The following KCNG2 variants were observed in gnomAD, a reference collection of about 807,000 sequenced individuals.
KCNG2 encodes the protein voltage-gated potassium channel regulatory subunit KCNG2.
KCNG2 carries 7 observed loss-of-function variants against 12.3 expected under a neutral mutation model. The ratio of observed to expected loss-of-function variants is 0.57; its 90% CI spans 0.32 to 1.07. The LOEUF is 1.07. KCNG2 is among the 50% of genes least tolerant of loss of function. The pLI, the probability that KCNG2 is intolerant of heterozygous loss-of-function variation, is 0.04. For synonymous variants in KCNG2, 414 were observed against 351.4 expected (o/e 1.18, Z -1.99); for missense variants, 703 against 726.0 (o/e 0.97, Z 0.36).
At chr18:79,890,886 G>A (rs1184405136) in intron 3 of KCNG2, among the ~76,000 whole-genome samples, 1 of 152,136 alleles carries the variant, frequency 6.6e-6, no homozygotes, top group African/African-American at 2.4e-5. Context: ...CCCTTTTTAT[G>A]TCTGTAAGAG....
Position 79,890,965 on chromosome 18 carries a change from G to A in KCNG2, c.625-8075G>A, listed in dbSNP as rs976378655. ...AATTTTCTTTTTCTTCTGCTCAAAC[G>A]AGCTAAAGATTTGTTGATTTTGTTG... On this transcript the variant is annotated intron_variant, in intron 3 of 3. Coordinates refer to ENST00000316249, the MANE Select transcript of KCNG2 (RefSeq NM_012283.2). Among the ~76,000 whole-genome samples, 12 of 152,174 alleles carry A rather than the reference G, an allele frequency of 7.9e-5. No individual in the cohort carries two copies. The East Asian group carries it at 1.7e-3, about 22-fold the overall frequency.
intron 3 of KCNG2, among the ~76,000 whole-genome samples, chr18:79,876,771 C>T (rs1015748308): frequency 1.3e-5 from 2 of 152,236 alleles, no homozygotes; most frequent in Non-Finnish European, 2.9e-5. Context: ...GTGCCAGGCC[C>T]GGGCCACCAA....
intron 1 of KCNG2, among the ~76,000 whole-genome samples, chr18:79,848,837 GCCT>G (rs1978714148): frequency 6.6e-6 from 1 of 152,186 alleles, no homozygotes; most frequent in African/African-American, 2.4e-5. Context: ...GGCTGGAAGA[GCCT>G]CCTCCCTGAG....
At chr18:79,888,463 CCGCGG>C (rs1980623948) in intron 3 of KCNG2, among the ~76,000 whole-genome samples, 5 of 127,756 alleles carry the variant, frequency 3.9e-5, no homozygotes, top group Non-Finnish European at 7.2e-5. Flanking sequence ...CCTCATGAGG[CCGCGG>C]TGGGGCCGGG....
intron 1 of KCNG2, among the ~76,000 whole-genome samples, chr18:79,815,006 G>C (rs1200966873): frequency 1.2e-4 from 18 of 151,800 alleles, no homozygotes; most frequent in Admixed American, 1.2e-3. Context: ...CAGAGAAAAT[G>C]AATTTAATAT....
chr18:79,834,196 G>T (rs1978311179), intron 1 of KCNG2, among the ~76,000 whole-genome samples: 1 of 152,246 alleles, frequency 6.6e-6, no homozygotes, highest in Admixed American at 6.5e-5. Flanking sequence ...CAAAGATCAG[G>T]CTGCAGAACC....
rs557512692 is a variant in KCNG2, at chr18:79,866,544, C to G, written c.624+2253C>G. Among the ~76,000 whole-genome samples, 4 of 129,110 alleles carry G rather than the reference C, an allele frequency of 3.1e-5. No homozygotes were observed. The East Asian group carries it at 9.9e-4, about 32-fold the overall frequency. The allele number at this position is 129,110 out of a possible 152,430, so 84.7% of individuals were successfully genotyped here. Reference sequence around the variant, plus strand: ...TGCTGAAGTCTGGGTGCTGAGAGGTCTGTTTTGTGAGAGGTCTGGATGCCG... The same window carrying G: ...TGCTGAAGTCTGGGTGCTGAGAGGTGTGTTTTGTGAGAGGTCTGGATGCCG... On this transcript the variant is annotated intron_variant, in intron 3 of 3. Transcript: ENST00000316249.
chr18:79,863,848 G>T lies in KCNG2; in HGVS notation c.181G>T (p.Asp61Tyr). The T allele has an allele frequency of 6.8e-7, 1 of 1,462,596 alleles. No homozygotes were observed. The highest frequency in any genetic ancestry group is 9.1e-7 in the Non-Finnish European group (1 of 1,104,176). 90.6% of individuals were successfully genotyped at this position (1,462,596 alleles called of 1,614,324 possible). Residue 61 changes from aspartate (D) to tyrosine (Y), a missense_variant, in exon 3 of 4, where the codon GAC becomes TAC. By Grantham distance (160) the Asp-to-Tyr change is radical. Coordinates refer to ENST00000316249, the MANE Select transcript of KCNG2 (RefSeq NM_012283.2). Reference protein sequence around the residue: ...GHDDLLRVCDDYDVSRDEFFF... With the variant: ...GHDDLLRVCDYYDVSRDEFFF... ...CGACGACCTGCTGCGCGTGTGTGAC[G>T]ACTACGACGTGAGCCGCGACGAGTT...
chr18:79,840,269 C>T (rs549022884), intron 1 of KCNG2, among the ~76,000 whole-genome samples: 1 of 152,156 alleles, frequency 6.6e-6, no homozygotes, highest in African/African-American at 2.4e-5. Context: ...TAAATGAATT[C>T]AGCAAGATTG....
Position 79,873,433 on chromosome 18 carries a change from C to CT in KCNG2, c.624+9142_624+9143insT, listed in dbSNP as rs1555695256. Among the ~76,000 whole-genome samples the CT allele has an allele frequency of 9.7e-5, 14 of 144,804 alleles. No homozygotes were observed. In the South Asian group the frequency reaches 2.9e-3, roughly 30 times the overall value. 95.0% of individuals were successfully genotyped at this position (144,804 alleles called of 152,430 possible). A position where few individuals can be genotyped will look rare whatever the true frequency, so the allele number is the denominator to read the frequency against. On this transcript the variant is annotated intron_variant, in intron 3 of 3. Coordinates refer to ENST00000316249, the MANE Select transcript of KCNG2 (RefSeq NM_012283.2). ...CGCTCCTGCCGGCCCCCCTCCCCCC[C>CT]CCCCAGCCACCTCCTGTCAGTCTTC...
At position 79,818,595 on chromosome 18, in the gene KCNG2, C is replaced by T. The variant is rs943268279; in HGVS notation, c.-115+20581C>T. On this transcript the variant is annotated intron_variant, in intron 1 of 3. Transcript: ENST00000316249. ...AATTAAATGACCCCAGCCCATCAGT[C>T]GGGTCACCATGTATGACAGTCCCTC... 3.3e-5 allele frequency among the ~76,000 whole-genome samples: 5 copies of T among 152,238 alleles called. No homozygotes were observed. The East Asian group carries it at 5.8e-4, about 18-fold the overall frequency.
intron 1 of KCNG2, among the ~76,000 whole-genome samples, chr18:79,813,834 T>C (rs932291634): frequency 6.6e-6 from 1 of 152,100 alleles, no homozygotes; most frequent in African/African-American, 2.4e-5. Context: ...TGGGAGAAAA[T>C]ATTTGCAAAC....
chr18:79,823,804 T>C (rs143514271), intron 1 of KCNG2, among the ~76,000 whole-genome samples: 312 of 152,284 alleles, frequency 2.0e-3, no homozygotes, highest in African/African-American at 7.1e-3. Context: ...TTACTGGGAT[T>C]GAGTGGAACT....
rs184043849 is a variant in KCNG2 at position 79,834,968 on chromosome 18, G to A, written c.-114-21411G>A. ...TATACTGAGTCTGTCTAACAGAACC[G>A]TCTGTGCCACCCACACCCATGGTGT... On this transcript the variant is annotated intron_variant, in intron 1 of 3. Transcript: ENST00000316249. Among the ~76,000 whole-genome samples the A allele has an allele frequency of 3.0e-3, 463 of 152,306 alleles. 2 individuals carry two copies. Among genetic ancestry groups the A allele is most frequent in the Non-Finnish European group, 3.8e-3 (258 of 68,028 alleles).
rs144017635 is a variant in KCNG2 at position 79,827,227 on chromosome 18, G to A, written c.-114-29152G>A. 3.3e-3 allele frequency among the ~76,000 whole-genome samples: 504 copies of A among 152,352 alleles called. 2 individuals are homozygous for A. The highest frequency in any genetic ancestry group is 5.6e-3 in the Admixed American group (85 of 15,312). On this transcript the variant is annotated intron_variant, in intron 1 of 3. Coordinates refer to ENST00000316249, the MANE Select transcript of KCNG2 (RefSeq NM_012283.2). The stretch of plus-strand genomic sequence containing the variant: ...CGGGCCAGACCAGCGACACCCTCCA[G>A]GCCTCAGTGGTCCTGTGTCCACCCC...
intron 3 of KCNG2, among the ~76,000 whole-genome samples, chr18:79,864,841 G>T (rs528963151): frequency 1.1e-4 from 15 of 131,466 alleles, no homozygotes; most frequent in Middle Eastern, 4.2e-3. Flanking sequence ...AGGTCTGTGT[G>T]CTGAGAAGTC....
intron 1 of KCNG2, among the ~76,000 whole-genome samples, chr18:79,807,514 C>T (rs541921702): frequency 5.9e-5 from 9 of 152,328 alleles, no homozygotes; most frequent in African/African-American, 1.7e-4. Flanking sequence ...CCTCTGCGCT[C>T]GTGCATTCAC....
intron 3 of KCNG2, among the ~76,000 whole-genome samples, chr18:79,870,881 G>A (rs1037382379): frequency 2.0e-5 from 3 of 152,164 alleles, no homozygotes; most frequent in East Asian, 1.9e-4. Flanking sequence ...TGTGGATGCC[G>A]AGTTGTGTTG....
chr18:79,851,442 T>G (rs1339377482), intron 1 of KCNG2, among the ~76,000 whole-genome samples: 2 of 152,194 alleles, frequency 1.3e-5, no homozygotes, highest in African/African-American at 4.8e-5. Flanking sequence ...AGCCTCACTT[T>G]CCAGCCCTCA....
Sources: gnomAD v4.1 joint callset for allele counts (sites outside exome capture counted in the v4.1 genomes callset) on GRCh38, gnomAD v4.1.1 for gene constraint, MANE v1.5 for transcripts, NCBI Gene and HGNC (gene_info 2026-07-23, HGNC 2026-07-21) for gene names.